Variants in DIAPH3 observed in about 807,000 individuals in gnomAD.
DIAPH3 encodes the protein protein diaphanous homolog 3.
A neutral mutation model predicts 144.3 loss-of-function variants in DIAPH3; 117 were observed. The ratio of observed to expected loss-of-function variants is 0.81; its 90% CI spans 0.70 to 0.95. DIAPH3 has a LOEUF of 0.95. Ranked by LOEUF, DIAPH3 falls within the 40% of genes least tolerant of loss-of-function variation. DIAPH3 has a pLI of 0.00. For missense variants in DIAPH3, 1,421 were observed against 1,412.7 expected, an observed-to-expected ratio of 1.01 and a Z score of -0.09; for synonymous variants, 519 against 488.9, an observed-to-expected ratio of 1.06 and a Z score of -0.81.
intron 25 of DIAPH3, among the ~76,000 whole-genome samples, chr13:59,779,453 C>T (rs1014882378): frequency 6.6e-6 from 1 of 151,738 alleles, no homozygotes; most frequent in Non-Finnish European, 1.5e-5. Flanking sequence ...TATGAAATGC[C>T]TGCTTATTAT....
At chr13:59,854,191 C>G (rs1482407042) in intron 22 of DIAPH3, among the ~76,000 whole-genome samples, 1 of 152,052 alleles carries the variant, frequency 6.6e-6, no homozygotes, top group Non-Finnish European at 1.5e-5. Flanking sequence ...ACGAAGGACT[C>G]TGAGTAGCCA....
chr13:60,078,983 C>T (rs75134429), intron 4 of DIAPH3, among the ~76,000 whole-genome samples: 4,174 of 151,928 alleles, frequency 0.027, 81 homozygotes, highest in Non-Finnish European at 0.043. Flanking sequence ...AGAACCGATC[C>T]TTAGGTCATT....
chr13:59,789,544 G>A (rs2039220829), intron 25 of DIAPH3, among the ~76,000 whole-genome samples: 1 of 152,208 alleles, frequency 6.6e-6, no homozygotes, highest in Admixed American at 6.5e-5. Context: ...AAAAAAGAAG[G>A]GGAAGGAGCT....
At chr13:59,796,305 G>A (rs1172302320) in intron 25 of DIAPH3, among the ~76,000 whole-genome samples, 1 of 152,170 alleles carries the variant, frequency 6.6e-6, no homozygotes, top group Non-Finnish European at 1.5e-5. Context: ...TTTATGACAA[G>A]ACTAAGTAGT....
chr13:59,811,088 T>A (rs1314541078), intron 24 of DIAPH3, among the ~76,000 whole-genome samples, 165 bp from the exon 25 acceptor site: 1 of 152,204 alleles, frequency 6.6e-6, no homozygotes, highest in African/African-American at 2.4e-5. Context: ...CAGAAACCCT[T>A]GTTAACTATG....
At chr13:60,000,667 T>G (rs185040408) in intron 9 of DIAPH3, among the ~76,000 whole-genome samples, 2 of 152,338 alleles carry the variant, frequency 1.3e-5, no homozygotes, top group South Asian at 2.1e-4. Context: ...CTAAAGATGC[T>G]ACAGATTCAC....
chr13:60,021,321 AAG>A (rs1255712726), intron 5 of DIAPH3, among the ~76,000 whole-genome samples: 3 of 152,196 alleles, frequency 2.0e-5, no homozygotes, highest in Non-Finnish European at 4.4e-5. Context: ...AGATGAAAGA[AAG>A]AGAGTCAAAG....
intron 24 of DIAPH3, among the ~76,000 whole-genome samples, chr13:59,815,808 A>G (rs1412477220): frequency 6.6e-6 from 1 of 151,936 alleles, no homozygotes; most frequent in East Asian, 1.9e-4. Context: ...ATTATTTCTG[A>G]TAGTTTTCCT....
At chr13:59,993,434 T>C (rs992920732) in intron 9 of DIAPH3, among the ~76,000 whole-genome samples, 1 of 151,784 alleles carries the variant, frequency 6.6e-6, no homozygotes, top group Non-Finnish European at 1.5e-5. Context: ...ACTACTGGAC[T>C]ACTGATCAAT....
chr13:59,723,959 TAAA>T (rs144643410), intron 27 of DIAPH3, among the ~76,000 whole-genome samples: 35,683 of 133,652 alleles, frequency 0.27, 5,484 homozygotes, highest in East Asian at 0.65. Flanking sequence ...TGTTAAAAGT[TAAA>T]AAAAAAAAAA....
chr13:59,995,000 A>G (rs2052101199), intron 9 of DIAPH3, among the ~76,000 whole-genome samples: 1 of 151,864 alleles, frequency 6.6e-6, no homozygotes, highest in African/African-American at 2.4e-5. Context: ...CATTTGAAAT[A>G]TGAAGAAAAA....
intron 27 of DIAPH3, among the ~76,000 whole-genome samples, chr13:59,741,111 G>A (rs2036420054): frequency 6.6e-6 from 1 of 152,164 alleles, no homozygotes; most frequent in Non-Finnish European, 1.5e-5. Flanking sequence ...AGACAAACAT[G>A]ATCAACTTAA....
At chr13:60,088,236 T>A (rs1594631657) in intron 4 of DIAPH3, among the ~76,000 whole-genome samples, 1 of 152,114 alleles carries the variant, frequency 6.6e-6, no homozygotes, top group African/African-American at 2.4e-5. Flanking sequence ...CTACTAAGTA[T>A]TCTTGGAGAC....
intron 14 of DIAPH3, among the ~76,000 whole-genome samples, chr13:59,975,894 C>T (rs146122856): frequency 6.6e-6 from 1 of 151,848 alleles, no homozygotes; most frequent in East Asian, 1.9e-4. Flanking sequence ...CCCCTCTTAC[C>T]GTTAAATAAT....
intron 25 of DIAPH3, among the ~76,000 whole-genome samples, chr13:59,780,056 AC>A (rs1200907181): frequency 2.0e-5 from 3 of 151,928 alleles, no homozygotes; most frequent in Non-Finnish European, 4.4e-5. Flanking sequence ...GATACCTAAG[AC>A]CCATGCATAT....
chr13:60,091,632 T>C (rs1436969531), intron 4 of DIAPH3, among the ~76,000 whole-genome samples: 1 of 152,068 alleles, frequency 6.6e-6, no homozygotes, highest in Non-Finnish European at 1.5e-5. Flanking sequence ...GCCTTAGAAA[T>C]GTGAACTTAC....
intron 21 of DIAPH3, among the ~76,000 whole-genome samples, chr13:59,868,782 T>G (rs2044081581): frequency 6.6e-6 from 1 of 152,208 alleles, no homozygotes; most frequent in African/African-American, 2.4e-5. Context: ...TCTAGACTTT[T>G]GCCACTTACA....
intron 22 of DIAPH3, among the ~76,000 whole-genome samples, chr13:59,844,894 C>T (rs73543239): frequency 6.6e-6 from 1 of 152,240 alleles, no homozygotes; most frequent in African/African-American, 2.4e-5. Context: ...TGCTAGAAAC[C>T]TGCTGGTCTT....
At chr13:59,667,680 C>A (rs1427178449) in intron 27 of DIAPH3, among the ~76,000 whole-genome samples, 1 of 152,148 alleles carries the variant, frequency 6.6e-6, no homozygotes, top group South Asian at 2.1e-4. Flanking sequence ...TACACACATA[C>A]ATTCTTTTAT....
Sources: gnomAD v4.1 joint callset for allele counts (sites outside exome capture counted in the v4.1 genomes callset) on GRCh38, gnomAD v4.1.1 for gene constraint, MANE v1.5 for transcripts, NCBI Gene and HGNC (gene_info 2026-07-23, HGNC 2026-07-21) for gene names.